EPHB2: variants seen among roughly 807,000 people sequenced by gnomAD.
EPHB2 encodes the protein ephrin type-B receptor 2.
EPHB2 carries 18 observed loss-of-function variants against 96.4 expected under a neutral mutation model. The ratio of observed to expected loss-of-function variants is 0.19; its 90% CI spans 0.13 to 0.28. EPHB2 has a LOEUF of 0.28. Among genes scored for constraint, EPHB2 ranks in the 10% least tolerant of loss-of-function variants. The pLI is 1.00. For missense variants in EPHB2, 989 were observed against 1,355.4 expected (o/e 0.73, Z 4.25); for synonymous variants, 506 against 534.1 (o/e 0.95, Z 0.72).
chr1:22,736,372 G>A (rs940248898), intron 1 of EPHB2, among the ~76,000 whole-genome samples: 2 of 152,184 alleles, frequency 1.3e-5, no homozygotes, highest in African/African-American at 2.4e-5. Context: ...AGACGTAAAA[G>A]CCTCTCCCCT....
rs955807954 is a variant in EPHB2 at position 22,918,193 on chromosome 1, G to C, written c.*4623G>C. On this transcript the variant is annotated 3_prime_UTR_variant, in exon 16 of 16. Coordinates refer to ENST00000374630, the MANE Select transcript of EPHB2 (RefSeq NM_017449.5). The surrounding 1 kb of genome is among the most constrained non-coding windows in gnomAD (Gnocchi z 4.2). ...CCCGGAGCGGCCCTCATTTATTCCAGGAGAAGCCAGGCCCTGCTGCTTCAG... is the reference window on the plus strand; with the variant it reads ...CCCGGAGCGGCCCTCATTTATTCCACGAGAAGCCAGGCCCTGCTGCTTCAG... 6.6e-6 allele frequency: 1 copy of C among 152,158 alleles called. No homozygotes were observed. Among genetic ancestry groups the C allele is most frequent in the African/African-American group, 2.4e-5 (1 of 41,420 alleles). The allele number at this position is 152,158 out of a possible 1,614,324, so 9.4% of individuals were successfully genotyped here. A position where few individuals can be genotyped will look rare whatever the true frequency, so the allele number is the denominator to read the frequency against.
intron 6 of EPHB2, chr1:22,882,909 GCT>G (rs1169218264): frequency 1.8e-5 from 5 of 271,376 alleles, no homozygotes; most frequent in African/African-American, 1.1e-4. Context: ...CGCCTGCCCT[GCT>G]CTGAGTCCTG....
intron 3 of EPHB2, among the ~76,000 whole-genome samples, chr1:22,861,261 C>T (rs1326962642): frequency 1.3e-5 from 2 of 152,174 alleles, no homozygotes; most frequent in African/African-American, 2.4e-5. Flanking sequence ...CAGCAGCCTG[C>T]ACACTAACCA....
chr1:22,895,722 G>GAAGC, intron 8 of EPHB2, 142 bp downstream of exon 8: 1 of 759,158 alleles, frequency 1.3e-6, no homozygotes, highest in Non-Finnish European at 2.2e-6. Context: ...GAAGTGGAAG[G>GAAGC]CTTCAAGTGG....
intron 8 of EPHB2, 137 bp downstream of exon 8, chr1:22,895,717 G>A: frequency 1.2e-6 from 1 of 836,094 alleles, no homozygotes; most frequent in Non-Finnish European, 1.9e-6. Context: ...GGTAGGAAGT[G>A]GAAGGCTTCA....
chr1:22,710,962 G>T lies in EPHB2; in HGVS notation c.-21G>T. 1 of 155,480 alleles carries T rather than the reference G, an allele frequency of 6.4e-6. No individual in the cohort carries two copies. Among genetic ancestry groups the T allele is most frequent in the South Asian group, 1.4e-4 (1 of 7,360 alleles). 9.6% of individuals were successfully genotyped at this position (155,480 alleles called of 1,614,324 possible). A position where few individuals can be genotyped will look rare whatever the true frequency, so the allele number is the denominator to read the frequency against. On this transcript the variant is annotated 5_prime_UTR_variant, in exon 1 of 16. Coordinates refer to ENST00000374630, the MANE Select transcript of EPHB2 (RefSeq NM_017449.5). ...TCCGGGCCCCGCGGCGCCGCGGCCCGAGGCCCCGGGAAGCGCAGCCATGGC... is the reference window on the plus strand; with the variant it reads ...TCCGGGCCCCGCGGCGCCGCGGCCCTAGGCCCCGGGAAGCGCAGCCATGGC...
intron 6 of EPHB2, among the ~76,000 whole-genome samples, chr1:22,886,008 G>A (rs1404916225): frequency 6.6e-6 from 1 of 152,120 alleles, no homozygotes; most frequent in African/African-American, 2.4e-5. Context: ...TGGCTCGGAG[G>A]CCTCAGGGAC....
At chr1:22,785,162 C>T in intron 3 of EPHB2, 86 bp downstream of exon 3, 4 of 1,541,056 alleles carry the variant, frequency 2.6e-6, no homozygotes, top group Non-Finnish European at 3.5e-6. Context: ...TGGGCCTGGC[C>T]TCTGAAGCTT....
At chr1:22,836,396 C>T (rs1309751822) in intron 3 of EPHB2, among the ~76,000 whole-genome samples, 2 of 152,254 alleles carry the variant, frequency 1.3e-5, no homozygotes, top group Non-Finnish European at 2.9e-5. Context: ...TGGAGGAAGA[C>T]AGCTATTGTG....
chr1:22,874,994 G>C (rs1638791786), intron 5 of EPHB2, among the ~76,000 whole-genome samples: 1 of 152,156 alleles, frequency 6.6e-6, no homozygotes, highest in African/African-American at 2.4e-5. Flanking sequence ...CACATGTGCA[G>C]TGTGAGTCTC....
In EPHB2 at chr1:22,892,945, G is replaced by A. The variant is rs772170964; in HGVS notation, c.1490G>A (p.Gly497Asp). Residue 497 changes from glycine (G) to aspartate (D), a missense_variant, in exon 7 of 16, where the codon GGC (glycine) becomes GAC (aspartate). Physicochemically the swap from Gly to Asp is moderately conservative, Grantham distance 94. Coordinates refer to ENST00000374630, the MANE Select transcript of EPHB2 (RefSeq NM_017449.5). ...CCCACCAACACGGTCACCGTGCAGG[G>A]CCTCAAAGCCGGCGCCATCTATGTC... ...KSPTNTVTVQ[G>D]LKAGAIYVFQ... 1.4e-5 allele frequency: 22 copies of A among 1,614,106 alleles called. No homozygotes were observed. Among genetic ancestry groups the A allele is most frequent in the Admixed American group, 3.3e-5 (2 of 60,012 alleles).
chr1:22,882,613 G>A (rs1639087046), intron 6 of EPHB2, 130 bp downstream of exon 6: 1 of 1,450,492 alleles, frequency 6.9e-7, no homozygotes, highest in Non-Finnish European at 9.4e-7. Context: ...ACTGGCCTTG[G>A]AGTCAGGCTG....
Position 22,906,716 on chromosome 1 carries a change from T to C in EPHB2, c.1895T>C (p.Phe632Ser), listed in dbSNP as rs1169792153. The C allele has an allele frequency of 5.0e-6, 8 of 1,614,086 alleles. No homozygotes were observed. Among genetic ancestry groups the C allele is most frequent in the Non-Finnish European group, 6.8e-6 (8 of 1,180,024 alleles). The part of the protein sequence containing the change: ...KIEQVIGAGE[F>S]GEVCSGHLKL... ...CTTGGTGTTTCTCTCTCAGGGGAGT[T>C]TGGCGAGGTCTGCAGTGGCCACCTG... Residue 632 changes from phenylalanine to serine, a missense_variant, in exon 11 of 16, where the codon TTT becomes TCT. Physicochemically the swap from Phe to Ser is radical, Grantham distance 155 (BLOSUM62 -2). Coordinates refer to ENST00000374630, the MANE Select transcript of EPHB2 (RefSeq NM_017449.5). This position sits in a 1 kb window ranked among gnomAD's most constrained non-coding sequence, Gnocchi z 4.8.
intron 13 of EPHB2, among the ~76,000 whole-genome samples, chr1:22,910,055 G>T (rs959044592): frequency 2.6e-5 from 4 of 152,170 alleles, no homozygotes; most frequent in Non-Finnish European, 5.9e-5. Context: ...CAAGCCAAGA[G>T]GGGGCTCACA....
Position 22,921,146 on chromosome 1 carries a change from C to T in EPHB2, c.*7576C>T, listed in dbSNP as rs773095320. On this transcript the variant is annotated 3_prime_UTR_variant, in exon 16 of 16. Coordinates refer to ENST00000374630, the MANE Select transcript of EPHB2 (RefSeq NM_017449.5). ...CTGGAGCTGCTGTCAGAGCCATGGG[C>T]TGTGGGAGTGAGTGTGCACACTCCT... 111 of 152,480 alleles carry T rather than the reference C, an allele frequency of 7.3e-4. No individual in the cohort carries two copies. The highest frequency in any genetic ancestry group is 1.2e-3 in the Non-Finnish European group (79 of 68,148). 9.4% of individuals were successfully genotyped at this position (152,480 alleles called of 1,614,324 possible).
intron 5 of EPHB2, among the ~76,000 whole-genome samples, chr1:22,871,445 C>T (rs1208040933): frequency 6.6e-6 from 1 of 152,192 alleles, no homozygotes; most frequent in Non-Finnish European, 1.5e-5. Flanking sequence ...AAATTCAGCC[C>T]CCATCCCACA....
intron 1 of EPHB2, among the ~76,000 whole-genome samples, chr1:22,778,658 TCC>T (rs1258182088): frequency 1.3e-5 from 2 of 152,228 alleles, no homozygotes; most frequent in African/African-American, 4.8e-5. Context: ...TCCTTTGCGT[TCC>T]CTTTGTGTCT....
chr1:22,865,795 T>C (rs184903107), intron 5 of EPHB2, among the ~76,000 whole-genome samples: 36 of 152,324 alleles, frequency 2.4e-4, no homozygotes, highest in African/African-American at 8.4e-4. Context: ...ATGTCATCTC[T>C]TGCAGCCTAA....
At chr1:22,717,002 C>T (rs996986909) in intron 1 of EPHB2, among the ~76,000 whole-genome samples, 7 of 152,224 alleles carry the variant, frequency 4.6e-5, no homozygotes, top group Non-Finnish European at 8.8e-5. Flanking sequence ...TTTTAACATA[C>T]TCTCCAGGTC....
Sources: allele counts gnomAD v4.1 joint callset (sites outside exome capture counted in the v4.1 genomes callset), GRCh38; gene constraint gnomAD v4.1.1; non-coding constraint Gnocchi (gnomAD v3.1); transcripts MANE v1.5; gene names NCBI Gene and HGNC (gene_info 2026-07-23, HGNC 2026-07-21).